Variants in ESRRB observed in about 807,000 individuals in gnomAD.
ESRRB encodes the protein steroid hormone receptor ERR2.
Under a neutral mutation model 46.0 loss-of-function variants are expected in ESRRB, and 16 were observed. The observed-to-expected ratio is 0.35, with a 90% CI of 0.24 to 0.53. The LOEUF is 0.53. Ranked by LOEUF, ESRRB falls within the 20% of genes least tolerant of loss-of-function variation. ESRRB has a pLI of 0.93. For synonymous variants in ESRRB, 246 were observed against 259.6 expected (o/e 0.95, Z 0.50); for missense variants, 488 against 607.4 (o/e 0.80, Z 2.07).
chr14:76,410,777 A>AT (rs1050361120), intron 1 of ESRRB, among the ~76,000 whole-genome samples: 45 of 150,752 alleles, frequency 3.0e-4, no homozygotes, highest in Non-Finnish European at 4.9e-4. Context: ...TTTTCTTCTT[A>AT]TTTTTTTTTA....
chr14:76,499,803 T>C lies in ESRRB; in HGVS notation c.*1345T>C. 1 of 1,405,736 alleles carries C rather than the reference T, an allele frequency of 7.1e-7. No homozygotes were observed. The highest frequency in any genetic ancestry group is 1.0e-6 in the Non-Finnish European group (1 of 989,952). 87.1% of individuals were successfully genotyped at this position (1,405,736 alleles called of 1,614,324 possible). ...CAGTGGGTCACTCTATTTCTGTGGA[T>C]GGCCGTGAAAGTTTTCACTAACTCA... On this transcript the variant is annotated 3_prime_UTR_variant, in exon 7 of 7. Transcript: ENST00000644823.
chr14:76,315,694 A>G (rs1235298089), intron 1 of ESRRB, among the ~76,000 whole-genome samples: 1 of 152,126 alleles, frequency 6.6e-6, no homozygotes, highest in African/African-American at 2.4e-5. Flanking sequence ...ACAGGCTCCC[A>G]CACCTTCCAC....
At chr14:76,421,644 A>C (rs1026937271) in intron 1 of ESRRB, among the ~76,000 whole-genome samples, 1 of 152,154 alleles carries the variant, frequency 6.6e-6, no homozygotes, top group Non-Finnish European at 1.5e-5. Flanking sequence ...GTGTAATGAC[A>C]TGCCCAAGGC....
At chr14:76,329,072 G>T (rs570190396) in intron 1 of ESRRB, among the ~76,000 whole-genome samples, 1 of 152,210 alleles carries the variant, frequency 6.6e-6, no homozygotes, top group Admixed American at 6.5e-5. Context: ...AAGGGAAGGG[G>T]CTTGGCAGCC....
chr14:76,469,929 G>GTTTTTTTTTTT (rs769935944), intron 3 of ESRRB, among the ~76,000 whole-genome samples: 122 of 78,644 alleles, frequency 1.6e-3, no homozygotes, highest in African/African-American at 1.9e-3. Flanking sequence ...GTTTTTTGTT[G>GTTTTTTTTTTT]TTTTTTTTTT....
chr14:76,379,440 G>GA (rs1884916403), intron 1 of ESRRB, among the ~76,000 whole-genome samples: 1 of 152,140 alleles, frequency 6.6e-6, no homozygotes, highest in African/African-American at 2.4e-5. Flanking sequence ...TCACACGTAG[G>GA]AAAAATGCCA....
chr14:76,456,857 G>A (rs991601502), intron 2 of ESRRB, among the ~76,000 whole-genome samples: 4 of 152,178 alleles, frequency 2.6e-5, no homozygotes, highest in Admixed American at 6.5e-5. Context: ...GGGCAACGCA[G>A]AGATGAAAGG....
chr14:76,363,651 G>A (rs560851605), intron 1 of ESRRB, among the ~76,000 whole-genome samples: 116 of 152,266 alleles, frequency 7.6e-4, no homozygotes, highest in African/African-American at 2.7e-3. Context: ...GTGAGGAGAG[G>A]GCTGGCCCAC....
chr14:76,413,411 G>A (rs562364845), intron 1 of ESRRB, among the ~76,000 whole-genome samples: 17 of 152,266 alleles, frequency 1.1e-4, no homozygotes, highest in African/African-American at 3.9e-4. Context: ...CCCTATCTCT[G>A]TGACTTGCAC....
At chr14:76,455,475 T>C (rs1450953041) in intron 2 of ESRRB, among the ~76,000 whole-genome samples, 1 of 151,992 alleles carries the variant, frequency 6.6e-6, no homozygotes, top group Non-Finnish European at 1.5e-5. Context: ...CCCAATATGG[T>C]AATATCACAA....
chr14:76,334,629 C>T (rs1884104606), intron 1 of ESRRB, among the ~76,000 whole-genome samples: 1 of 152,142 alleles, frequency 6.6e-6, no homozygotes. Context: ...GGCTGGCCTC[C>T]CTAAAGGATC....
chr14:76,349,500 C>T (rs936716190), intron 1 of ESRRB, among the ~76,000 whole-genome samples: 1 of 152,136 alleles, frequency 6.6e-6, no homozygotes, highest in Non-Finnish European at 1.5e-5. Flanking sequence ...TGGCCTCCTG[C>T]GAGATGCTCA....
intron 1 of ESRRB, among the ~76,000 whole-genome samples, chr14:76,336,544 C>A (rs977383011): frequency 3.3e-5 from 5 of 152,348 alleles, no homozygotes; most frequent in Admixed American, 6.5e-5. Context: ...CCCCTGGTCC[C>A]TGACACCCTC....
intron 3 of ESRRB, among the ~76,000 whole-genome samples, chr14:76,466,392 A>T (rs1282623508): frequency 1.3e-5 from 2 of 152,124 alleles, no homozygotes; most frequent in Non-Finnish European, 2.9e-5. Flanking sequence ...CACAGAAGAA[A>T]TCAGACTTGG....
chr14:76,351,822 T>A (rs1884316067), intron 1 of ESRRB, among the ~76,000 whole-genome samples: 1 of 152,008 alleles, frequency 6.6e-6, no homozygotes, highest in African/African-American at 2.4e-5. Flanking sequence ...CTATAGCTGA[T>A]GAAGAGTATA....
chr14:76,406,577 C>G (rs1461149585), intron 1 of ESRRB, among the ~76,000 whole-genome samples: 1 of 152,098 alleles, frequency 6.6e-6, no homozygotes, highest in Admixed American at 6.6e-5. Flanking sequence ...AACCCCGTCT[C>G]TACTAAAAAT....
chr14:76,402,648 C>T (rs1001730222), intron 1 of ESRRB, among the ~76,000 whole-genome samples: 4 of 152,228 alleles, frequency 2.6e-5, no homozygotes, highest in East Asian at 1.9e-4. Flanking sequence ...GGTCAAGCTG[C>T]ATCCCAAAGT....
chr14:76,421,710 G>A (rs976531845), intron 1 of ESRRB, among the ~76,000 whole-genome samples: 2 of 152,192 alleles, frequency 1.3e-5, no homozygotes, highest in Non-Finnish European at 2.9e-5. Context: ...GCTAGGTTAG[G>A]TGTGTCCCAG....
Position 76,388,175 on chromosome 14 carries a change from CT to C in ESRRB, c.50+11745del, listed in dbSNP as rs35368784. On this transcript the variant is annotated intron_variant, in intron 1 of 6. Coordinates refer to ENST00000644823, the MANE Select transcript of ESRRB (RefSeq NM_001379180.1). ...TCTAGAATTTCAGCTTTCTTTCATT[CT>C]TTTTTTTTTTTTTTTTTTTTGAGAT... Among the ~76,000 whole-genome samples, 745 of 118,248 alleles carry C rather than the reference CT, an allele frequency of 6.3e-3. 4 individuals carry two copies. Among genetic ancestry groups the C allele is most frequent in the East Asian group, 0.027 (111 of 4,058 alleles). 77.6% of individuals were successfully genotyped at this position (118,248 alleles called of 152,430 possible).
Sources: gnomAD v4.1 joint callset for allele counts (sites outside exome capture counted in the v4.1 genomes callset) on GRCh38, gnomAD v4.1.1 for gene constraint, MANE v1.5 for transcripts, NCBI Gene and HGNC (gene_info 2026-07-23, HGNC 2026-07-21) for gene names.